The following GRK5 variants were observed in gnomAD, a reference collection of about 807,000 sequenced individuals.
The protein encoded by GRK5 is g protein-coupled receptor kinase GRK5.
In GRK5, 40 loss-of-function variants were observed where a neutral mutation model predicts 78.4. The ratio of observed to expected loss-of-function variants is 0.51; its 90% CI spans 0.40 to 0.66. The LOEUF is 0.66. Ranked by LOEUF, GRK5 falls within the 30% of genes least tolerant of loss-of-function variation. GRK5 has a pLI of 0.00. For missense variants in GRK5, 598 were observed against 759.9 expected (o/e 0.79, Z 2.50); for synonymous variants, 289 against 296.8 (o/e 0.97, Z 0.27).
rs1255994457 is a variant in GRK5, at chr10:119,412,570, A to T, written c.340-10596A>T. On this transcript the variant is annotated intron_variant, in intron 4 of 15. Transcript: ENST00000392870. The surrounding 1 kb of genome is among the most constrained non-coding windows in gnomAD (Gnocchi z 4.3). ...TGTTCTTGTCTGGGGCTTGTGGATC[A>T]CGTCTCCTGCCTGGCCATGGACAGA... 6.6e-6 allele frequency among the ~76,000 whole-genome samples: 1 copy of T among 152,114 alleles called. No homozygotes were observed. Among genetic ancestry groups the T allele is most frequent in the Non-Finnish European group, 1.5e-5 (1 of 68,014 alleles).
Position 119,452,543 on chromosome 10 carries a change from A to G in GRK5, c.1405-128A>G. 9.0e-7 allele frequency: 1 copy of G among 1,107,336 alleles called. No homozygotes were observed. Among genetic ancestry groups the G allele is most frequent in the East Asian group, 2.5e-5 (1 of 39,480 alleles). The allele number at this position is 1,107,336 out of a possible 1,614,324, so 68.6% of individuals were successfully genotyped here. On this transcript the variant is annotated intron_variant, in intron 13 of 15. Transcript: ENST00000392870. This position sits in a 1 kb window ranked among gnomAD's most constrained non-coding sequence, Gnocchi z 4.4. ...CTGAGCCACACACCCTCCAGCCACTACCCATAGCAGTTCTGGGGGTGTGTC... is the reference window on the plus strand; with the variant it reads ...CTGAGCCACACACCCTCCAGCCACTGCCCATAGCAGTTCTGGGGGTGTGTC...
chr10:119,447,450 G>A (rs868231794), intron 12 of GRK5, among the ~76,000 whole-genome samples: 7 of 152,004 alleles, frequency 4.6e-5, no homozygotes, highest in South Asian at 4.2e-4. Flanking sequence ...CACCCTGCAC[G>A]TCCTGCCACT....
chr10:119,458,181 CTT>C lies in GRK5; in HGVS notation c.*3115_*3116del, dbSNP rs1469557167. 1 of 152,150 alleles carries C rather than the reference CTT, an allele frequency of 6.6e-6. No individual in the cohort carries two copies. Among genetic ancestry groups the C allele is most frequent in the Non-Finnish European group, 1.5e-5 (1 of 68,036 alleles). The allele number at this position is 152,150 out of a possible 1,614,324, so 9.4% of individuals were successfully genotyped here. A position where few individuals can be genotyped will look rare whatever the true frequency, so the allele number is the denominator to read the frequency against. On this transcript the variant is annotated 3_prime_UTR_variant, in exon 16 of 16. Transcript: ENST00000392870. ...TTTTTTTTCACCAGACGTTCACTGA[CTT>C]CGTGACTTTGAGGTGAGACATGGGA...
intron 2 of GRK5, among the ~76,000 whole-genome samples, chr10:119,358,248 C>T (rs1033662916): frequency 2.0e-5 from 3 of 152,104 alleles, no homozygotes; most frequent in Non-Finnish European, 2.9e-5. Context: ...GGTCCTAGCT[C>T]GGATGTTGTC....
intron 6 of GRK5, among the ~76,000 whole-genome samples, chr10:119,428,812 A>G (rs1463741013): frequency 6.6e-6 from 1 of 152,192 alleles, no homozygotes; most frequent in Non-Finnish European, 1.5e-5. Context: ...CACCCTGCAC[A>G]AGATCCTGCC....
At chr10:119,322,783 T>G (rs998365702) in intron 1 of GRK5, among the ~76,000 whole-genome samples, 1 of 152,202 alleles carries the variant, frequency 6.6e-6, no homozygotes, top group Non-Finnish European at 1.5e-5. Flanking sequence ...TACCATATAA[T>G]CCAGCAATTT....
At position 119,331,914 on chromosome 10, in the gene GRK5, G is replaced by GTGA. The variant is rs1385295867; in HGVS notation, c.148+5304_148+5306dup. Among the ~76,000 whole-genome samples the GTGA allele has an allele frequency of 2.6e-5, 4 of 152,156 alleles. No individual in the cohort carries two copies. In the East Asian group the frequency reaches 7.7e-4, roughly 29 times the overall value. On this transcript the variant is annotated intron_variant, in intron 2 of 15. Coordinates refer to ENST00000392870, the MANE Select transcript of GRK5 (RefSeq NM_005308.3). ...TGGCTTGTAAGCACTTTGCCCTAAG[G>GTGA]TGAAGCCTGTAGACCCCTTATCAGA...
chr10:119,453,472 G>C (rs1670035599), intron 15 of GRK5, among the ~76,000 whole-genome samples, 196 bp downstream of exon 15: 3 of 152,180 alleles, frequency 2.0e-5, no homozygotes, highest in African/African-American at 7.2e-5. Context: ...GGGGAGAAGG[G>C]CAGGGCCAGC....
intron 11 of GRK5, among the ~76,000 whole-genome samples, chr10:119,443,232 T>C (rs1285927067): frequency 6.6e-6 from 1 of 152,198 alleles, no homozygotes; most frequent in African/African-American, 2.4e-5. Context: ...GAAACAAATA[T>C]ACTGATAGCA....
chr10:119,208,060 C>A, intron 1 of GRK5, 91 bp downstream of exon 1: 2 of 1,245,460 alleles, frequency 1.6e-6, no homozygotes, highest in South Asian at 1.4e-5. Context: ...TGCGCCCGTG[C>A]AGGATGCCCG....
At chr10:119,246,139 T>G (rs2420613) in intron 1 of GRK5, among the ~76,000 whole-genome samples, 151,408 of 152,128 alleles carry the variant, frequency 1, 75,349 homozygotes, top group Middle Eastern at 1. Context: ...TATCCTTTGG[T>G]CATTGGTTCC....
At chr10:119,402,137 G>A (rs981015532) in intron 4 of GRK5, among the ~76,000 whole-genome samples, 3 of 152,232 alleles carry the variant, frequency 2.0e-5, no homozygotes, top group African/African-American at 7.2e-5. Context: ...GGCCAGTGGG[G>A]AGGCTGGGAA....
intron 1 of GRK5, among the ~76,000 whole-genome samples, chr10:119,304,207 C>T (rs1850233716): frequency 6.6e-6 from 1 of 151,602 alleles, no homozygotes; most frequent in African/African-American, 2.4e-5. Context: ...ATGATGTGGC[C>T]TGTGGAGGAA....
intron 2 of GRK5, among the ~76,000 whole-genome samples, chr10:119,329,590 C>T (rs544763259): frequency 1.3e-5 from 2 of 152,134 alleles, no homozygotes; most frequent in African/African-American, 2.4e-5. Flanking sequence ...ATTAGCTGGG[C>T]GTGGTGGCGC....
chr10:119,376,678 C>T (rs1851626674), intron 2 of GRK5, among the ~76,000 whole-genome samples: 1 of 151,356 alleles, frequency 6.6e-6, no homozygotes, highest in South Asian at 2.1e-4. Flanking sequence ...CATTCTTCTG[C>T]CTCAGCCTCC....
intron 1 of GRK5, among the ~76,000 whole-genome samples, chr10:119,247,199 T>TA (rs1323538597): frequency 1.3e-5 from 2 of 152,148 alleles, no homozygotes; most frequent in African/African-American, 4.8e-5. Flanking sequence ...TAGAATAAGA[T>TA]ACGTTTAATA....
chr10:119,304,260 G>A (rs7913639), intron 1 of GRK5, among the ~76,000 whole-genome samples: 148,966 of 149,184 alleles, frequency 1, 74,375 homozygotes, highest in East Asian at 1. Context: ...CAGGGCAACA[G>A]CAGTATGCTA....
chr10:119,454,884 G>T, intron 15 of GRK5, 85 bp from the exon 16 acceptor site: 1 of 858,730 alleles, frequency 1.2e-6, no homozygotes, highest in African/African-American at 1.7e-5. Flanking sequence ...GGTTGGAGCA[G>T]GCAGAGGCAG....
intron 1 of GRK5, among the ~76,000 whole-genome samples, chr10:119,294,820 T>C (rs1423935565): frequency 1.3e-5 from 2 of 152,204 alleles, no homozygotes; most frequent in African/African-American, 2.4e-5. Flanking sequence ...TGCTCTCCAA[T>C]GGCAGAACAG....
Sources: gnomAD v4.1 joint callset for allele counts (sites outside exome capture counted in the v4.1 genomes callset) on GRCh38, gnomAD v4.1.1 for gene constraint, Gnocchi (gnomAD v3.1) non-coding constraint, MANE v1.5 for transcripts, NCBI Gene and HGNC (gene_info 2026-07-23, HGNC 2026-07-21) for gene names.